Variants in GLT1D1 observed in about 807,000 individuals in gnomAD.
GLT1D1 encodes glycosyltransferase 1 domain-containing protein 1.
GLT1D1 carries 21 observed loss-of-function variants against 28.7 expected under a neutral mutation model. The ratio of observed to expected loss-of-function variants is 0.73; its 90% CI spans 0.52 to 1.05. The LOEUF is 1.05. Ranked by LOEUF, GLT1D1 falls within the 50% of genes least tolerant of loss-of-function variation. The pLI is 0.00. For synonymous variants in GLT1D1, 147 were observed against 124.8 expected (o/e 1.18, Z -1.19); for missense variants, 343 against 330.6 (o/e 1.04, Z -0.29).
chr12:128,957,293 A>G (rs1877404329), intron 6 of GLT1D1, among the ~76,000 whole-genome samples: 1 of 152,192 alleles, frequency 6.6e-6, no homozygotes, highest in Non-Finnish European at 1.5e-5. Context: ...GTGACACTGC[A>G]ATAATTATGT....
At chr12:128,970,890 C>A (rs1198636536) in intron 7 of GLT1D1, among the ~76,000 whole-genome samples, 1 of 152,226 alleles carries the variant, frequency 6.6e-6, no homozygotes, top group Non-Finnish European at 1.5e-5. Context: ...GTTTACTCAT[C>A]AGCTGTCCCT....
intron 4 of GLT1D1, among the ~76,000 whole-genome samples, chr12:128,929,129 C>A (rs1873595428): frequency 6.6e-6 from 1 of 152,222 alleles, no homozygotes; most frequent in African/African-American, 2.4e-5. Flanking sequence ...ACCTGGCGAG[C>A]ATCTGGATGG....
rs990973575 is a variant in GLT1D1, at chr12:128,944,698, G to A, written c.376-628G>A. The A allele has an allele frequency of 4.0e-5, 27 of 670,012 alleles. No homozygotes were observed. The African/African-American group carries it at 4.1e-4, about 10-fold the overall frequency. 41.5% of individuals were successfully genotyped at this position (670,012 alleles called of 1,614,324 possible). A position where few individuals can be genotyped will look rare whatever the true frequency, so the allele number is the denominator to read the frequency against. On this transcript the variant is annotated intron_variant, in intron 4 of 7. Coordinates refer to ENST00000281703, the MANE Select transcript of GLT1D1 (RefSeq NM_144669.3). ...TGGAAAACTATCCAACAGCTAGACT[G>A]GGTGAGATTTTGCAGTTCCTGAAGG...
chr12:128,942,606 C>T (rs7965434), intron 4 of GLT1D1, among the ~76,000 whole-genome samples: 36,801 of 151,834 alleles, frequency 0.24, 5,723 homozygotes, highest in Non-Finnish European at 0.33. Context: ...AGAGTAAATA[C>T]GCCATGGAAG....
chr12:128,855,633 AC>A (rs1956198704), intron 1 of GLT1D1, among the ~76,000 whole-genome samples: 1 of 152,056 alleles, frequency 6.6e-6, no homozygotes, highest in African/African-American at 2.4e-5. Flanking sequence ...TGGATCTTGC[AC>A]AAGCAAGAAT....
At chr12:128,948,126 T>G (rs1172432596) in intron 6 of GLT1D1, among the ~76,000 whole-genome samples, 1 of 152,192 alleles carries the variant, frequency 6.6e-6, no homozygotes, top group Non-Finnish European at 1.5e-5. Flanking sequence ...CTGGCTGGGC[T>G]GTGTCCCCTC....
intron 4 of GLT1D1, among the ~76,000 whole-genome samples, chr12:128,902,022 C>CT (rs1870334572): frequency 6.6e-6 from 1 of 151,722 alleles, no homozygotes; most frequent in African/African-American, 2.4e-5. Context: ...ACTAACAAAT[C>CT]TGAGTTTTTT....
At chr12:128,917,181 T>C (rs558464193) in intron 4 of GLT1D1, among the ~76,000 whole-genome samples, 5 of 152,356 alleles carry the variant, frequency 3.3e-5, no homozygotes, top group African/African-American at 1.2e-4. Context: ...TCTATGCCTA[T>C]CTTTATTCCA....
intron 7 of GLT1D1, among the ~76,000 whole-genome samples, chr12:128,969,288 T>G (rs1475964583): frequency 6.6e-6 from 1 of 152,038 alleles, no homozygotes; most frequent in Non-Finnish European, 1.5e-5. Context: ...TCACTCTCTC[T>G]CTCTCTCCCT....
intron 3 of GLT1D1, among the ~76,000 whole-genome samples, chr12:128,892,247 A>T (rs1385327742): frequency 6.6e-6 from 1 of 152,096 alleles, no homozygotes; most frequent in Non-Finnish European, 1.5e-5. Flanking sequence ...GGGGCCCAAG[A>T]TATTTTCCTT....
chr12:128,883,561 G>T (rs1053101598), intron 2 of GLT1D1, among the ~76,000 whole-genome samples: 1 of 144,666 alleles, frequency 6.9e-6, no homozygotes, highest in Non-Finnish European at 1.5e-5. Flanking sequence ...CTGCACTCTA[G>T]CCTGGGCGAC....
chr12:128,974,809 C>G (rs899700350), intron 7 of GLT1D1, among the ~76,000 whole-genome samples: 1 of 152,216 alleles, frequency 6.6e-6, no homozygotes, highest in African/African-American at 2.4e-5. Context: ...ATTCCGTGTA[C>G]GTTTTTGAGC....
At chr12:128,909,618 G>A (rs1871319682) in intron 4 of GLT1D1, among the ~76,000 whole-genome samples, 1 of 152,130 alleles carries the variant, frequency 6.6e-6, no homozygotes. Flanking sequence ...AATCTATTGT[G>A]GTTTCCATTT....
chr12:128,904,921 A>T (rs1870689899), intron 4 of GLT1D1, among the ~76,000 whole-genome samples: 1 of 152,146 alleles, frequency 6.6e-6, no homozygotes, highest in Admixed American at 6.5e-5. Context: ...GGTGACTGCC[A>T]CTATGCCTGG....
At chr12:128,946,378 G>A (rs548448374) in intron 5 of GLT1D1, among the ~76,000 whole-genome samples, 24 of 152,076 alleles carry the variant, frequency 1.6e-4, no homozygotes, top group South Asian at 2.1e-4. Context: ...ACAGAGTTTC[G>A]CTCTGTCGCT....
chr12:128,901,846 C>G (rs935301762), intron 4 of GLT1D1, among the ~76,000 whole-genome samples: 1 of 151,444 alleles, frequency 6.6e-6, no homozygotes, highest in East Asian at 1.9e-4. Flanking sequence ...CACCTAGGCT[C>G]AAGCCATCCT....
chr12:128,951,549 C>T (rs67999484), intron 6 of GLT1D1, among the ~76,000 whole-genome samples: 18,326 of 152,200 alleles, frequency 0.12, 1,276 homozygotes, highest in East Asian at 0.16. Context: ...TGGATCCTGA[C>T]ATTTCACTTG....
chr12:128,956,171 A>AAAAAAAAAG (rs374597920), intron 6 of GLT1D1, among the ~76,000 whole-genome samples: 108 of 63,632 alleles, frequency 1.7e-3, no homozygotes, highest in Admixed American at 6.0e-3. Flanking sequence ...AAAAAAAAAA[A>AAAAAAAAAG]AGAGAAAGAG....
intron 3 of GLT1D1, among the ~76,000 whole-genome samples, chr12:128,891,110 A>G (rs560912863): frequency 6.6e-6 from 1 of 151,864 alleles, no homozygotes; most frequent in South Asian, 2.1e-4. Context: ...TGTCTCAAAA[A>G]AAAAAAAATT....
Sources: gnomAD v4.1 joint callset for allele counts (sites outside exome capture counted in the v4.1 genomes callset) on GRCh38, gnomAD v4.1.1 for gene constraint, MANE v1.5 for transcripts, NCBI Gene and HGNC (gene_info 2026-07-23, HGNC 2026-07-21) for gene names.